COG5: variants seen among roughly 807,000 people sequenced by gnomAD.
The protein encoded by COG5 is conserved oligomeric Golgi complex subunit 5.
Under a neutral mutation model 110.4 loss-of-function variants are expected in COG5, and 86 were observed. That is an observed-to-expected ratio of 0.78 (90% CI 0.65 to 0.93). The LOEUF is 0.93. Ranked by LOEUF, COG5 falls within the 40% of genes least tolerant of loss-of-function variation. COG5 has a pLI of 0.00. For missense variants in COG5, 1,077 were observed against 987.0 expected, an observed-to-expected ratio of 1.09 and a Z score of -1.22; for synonymous variants, 360 against 334.6, an observed-to-expected ratio of 1.08 and a Z score of -0.83.
At chr7:107,525,412 A>G (rs1800657537) in intron 6 of COG5, among the ~76,000 whole-genome samples, 1 of 152,192 alleles carries the variant, frequency 6.6e-6, no homozygotes, top group African/African-American at 2.4e-5. Context: ...TAATGATTCC[A>G]TAATCCTACA....
At chr7:107,511,935 T>A (rs1484306352) in intron 6 of COG5, among the ~76,000 whole-genome samples, 1 of 152,162 alleles carries the variant, frequency 6.6e-6, no homozygotes, top group African/African-American at 2.4e-5. Flanking sequence ...CCACAGCCAA[T>A]ATCATACAGA....
chr7:107,458,353 A>G (rs1795790203), intron 6 of COG5, among the ~76,000 whole-genome samples: 1 of 152,220 alleles, frequency 6.6e-6, no homozygotes, highest in Non-Finnish European at 1.5e-5. Context: ...AAAAACTGAA[A>G]GATAACTGGC....
At chr7:107,259,776 T>G (rs1432738576) in intron 14 of COG5, among the ~76,000 whole-genome samples, 1 of 152,134 alleles carries the variant, frequency 6.6e-6, no homozygotes, top group Non-Finnish European at 1.5e-5. Context: ...ATTTGTTTTG[T>G]GTGTTCAGTA....
intron 6 of COG5, among the ~76,000 whole-genome samples, chr7:107,465,282 G>A (rs2129103916): frequency 6.6e-6 from 1 of 152,248 alleles, no homozygotes; most frequent in East Asian, 1.9e-4. Flanking sequence ...TGCAGGATAT[G>A]AGTTCAATAT....
chr7:107,468,379 C>G (rs1796428220), intron 6 of COG5, among the ~76,000 whole-genome samples: 1 of 151,952 alleles, frequency 6.6e-6, no homozygotes, highest in African/African-American at 2.4e-5. Flanking sequence ...GCTATGCTTT[C>G]TCTGGTCTTA....
intron 11 of COG5, among the ~76,000 whole-genome samples, chr7:107,298,913 A>G (rs1807003718): frequency 6.6e-6 from 1 of 152,192 alleles, no homozygotes; most frequent in African/African-American, 2.4e-5. Flanking sequence ...AATATTTGGA[A>G]CTAGAAAATG....
intron 17 of COG5, among the ~76,000 whole-genome samples, chr7:107,247,363 A>G (rs1802135352): frequency 6.6e-6 from 1 of 152,180 alleles, no homozygotes; most frequent in African/African-American, 2.4e-5. Context: ...GTGCCCCCAA[A>G]CCTAATATAA....
At position 107,263,523 on chromosome 7, in the gene COG5, CAAG is replaced by C. The variant is rs532769808; in HGVS notation, c.1576-5143_1576-5141del. ...GTACAATCTGGAAAGATGTTAGAAACAAGAAGAGTTGCATTTGAGTTTATTTTT... is the reference window on the plus strand; with the variant it reads ...GTACAATCTGGAAAGATGTTAGAAACAAGAGTTGCATTTGAGTTTATTTTT... On this transcript the variant is annotated intron_variant, in intron 14 of 21. Transcript: ENST00000297135. Among the ~76,000 whole-genome samples the C allele has an allele frequency of 4.3e-3, 653 of 152,154 alleles. 3 individuals are homozygous for C. The highest frequency in any genetic ancestry group is 0.015 in the African/African-American group (623 of 41,520).
chr7:107,226,805 T>C (rs914060804), intron 19 of COG5, among the ~76,000 whole-genome samples: 2 of 152,240 alleles, frequency 1.3e-5, no homozygotes, highest in African/African-American at 4.8e-5. Flanking sequence ...ATCAGTCCCA[T>C]CAAACAACTG....
At chr7:107,216,126 A>C (rs1218584948) in intron 19 of COG5, among the ~76,000 whole-genome samples, 2 of 152,240 alleles carry the variant, frequency 1.3e-5, no homozygotes, top group African/African-American at 4.8e-5. Context: ...CAGACAAAAT[A>C]GACTTAAGCT....
chr7:107,235,963 C>G (rs1369106193), intron 18 of COG5, among the ~76,000 whole-genome samples: 1 of 152,160 alleles, frequency 6.6e-6, no homozygotes, highest in African/African-American at 2.4e-5. Context: ...TGTACTCTAC[C>G]TGATAGAGAG....
At chr7:107,527,504 C>T (rs954500090) in intron 5 of COG5, 147 bp from the exon 6 acceptor site, 10 of 807,222 alleles carry the variant, frequency 1.2e-5, no homozygotes, top group African/African-American at 8.6e-5. Flanking sequence ...ACATGTATCC[C>T]GGAACTTAAA....
chr7:107,365,010 A>G (rs1813470793), intron 8 of COG5, among the ~76,000 whole-genome samples: 1 of 152,128 alleles, frequency 6.6e-6, no homozygotes, highest in Non-Finnish European at 1.5e-5. Flanking sequence ...TAACAGTGAG[A>G]AAAGGGTATG....
intron 6 of COG5, among the ~76,000 whole-genome samples, chr7:107,454,114 T>C (rs911569057): frequency 1.2e-4 from 18 of 152,096 alleles, no homozygotes; most frequent in Admixed American, 5.9e-4. Context: ...ACACAAGCAG[T>C]TGCCTAGTGT....
At chr7:107,280,809 G>T (rs1805106381) in intron 14 of COG5, among the ~76,000 whole-genome samples, 1 of 151,812 alleles carries the variant, frequency 6.6e-6, no homozygotes, top group African/African-American at 2.4e-5. Context: ...AGGTTCTAGG[G>T]TTGGAATCTT....
intron 19 of COG5, among the ~76,000 whole-genome samples, chr7:107,225,409 A>C (rs1348478521): frequency 6.6e-6 from 1 of 152,220 alleles, no homozygotes; most frequent in Non-Finnish European, 1.5e-5. Context: ...GAAAATTTAA[A>C]AAAAATAAAA....
At chr7:107,415,338 A>G (rs561204773) in intron 6 of COG5, among the ~76,000 whole-genome samples, 1 of 152,300 alleles carries the variant, frequency 6.6e-6, no homozygotes, top group East Asian at 1.9e-4. Context: ...TAAAATAATT[A>G]GCTGAAAAAG....
chr7:107,269,213 C>T (rs1240205266), intron 14 of COG5, among the ~76,000 whole-genome samples: 5 of 152,134 alleles, frequency 3.3e-5, no homozygotes, highest in Admixed American at 1.3e-4. Context: ...CGGTGGCTCA[C>T]GCCTGTAATC....
intron 6 of COG5, among the ~76,000 whole-genome samples, chr7:107,504,695 C>G (rs1798854025): frequency 6.6e-6 from 1 of 151,986 alleles, no homozygotes; most frequent in African/African-American, 2.4e-5. Context: ...TTGGTCTGCT[C>G]AGGGTTTCTA....
Sources: gnomAD v4.1 joint callset for allele counts (sites outside exome capture counted in the v4.1 genomes callset) on GRCh38, gnomAD v4.1.1 for gene constraint, MANE v1.5 for transcripts, NCBI Gene and HGNC (gene_info 2026-07-23, HGNC 2026-07-21) for gene names.